The following RBFOX1 variants were observed in gnomAD, a reference collection of about 807,000 sequenced individuals.
RBFOX1 encodes RNA binding fox-1 homolog 1.
RBFOX1 carries 8 observed loss-of-function variants against 57.7 expected under a neutral mutation model. The observed-to-expected ratio is 0.14, with a 90% CI of 0.08 to 0.25. The LOEUF is 0.25. Ranked by LOEUF, RBFOX1 falls within the 10% of genes least tolerant of loss-of-function variation. The probability of loss-of-function intolerance (pLI) is 1.00; values close to 1 mark genes in which losing one functional copy is unlikely to be tolerated. For synonymous variants in RBFOX1, 326 were observed against 222.4 expected (o/e 1.47, Z -4.15); for missense variants, 611 against 548.5 (o/e 1.11, Z -1.14).
intron 2 of RBFOX1, among the ~76,000 whole-genome samples, chr16:6,403,102 G>A (rs2093141319): frequency 6.6e-6 from 1 of 151,684 alleles, no homozygotes; most frequent in Admixed American, 6.6e-5. Flanking sequence ...GTCATGAAGA[G>A]GACTGAGAAT....
At chr16:5,978,755 G>T (rs540820484) in intron 4 of RBFOX1, among the ~76,000 whole-genome samples, 45 of 151,544 alleles carry the variant, frequency 3.0e-4, no homozygotes, top group Non-Finnish European at 6.2e-4. Context: ...TGTACATCCA[G>T]TCTGGGTTTG....
intron 5 of RBFOX1, among the ~76,000 whole-genome samples, chr16:7,552,786 G>T (rs896842658): frequency 6.6e-6 from 1 of 152,140 alleles, no homozygotes; most frequent in African/African-American, 2.4e-5. Context: ...AGGCTCAAGA[G>T]ATTCTCCTGC....
At chr16:7,420,986 CT>C (rs548341919) in intron 4 of RBFOX1, among the ~76,000 whole-genome samples, 85 of 150,380 alleles carry the variant, frequency 5.7e-4, no homozygotes, top group Admixed American at 1.2e-3. Flanking sequence ...TAGTCCTGCG[CT>C]TTCCTGAGGC....
chr16:5,769,674 A>T (rs12597101), intron 3 of RBFOX1, among the ~76,000 whole-genome samples: 61,892 of 151,612 alleles, frequency 0.41, 12,942 homozygotes, highest in East Asian at 0.61. Context: ...AGAAATTTGG[A>T]CACAAACAAA....
At chr16:6,991,990 C>T (rs1367253327) in intron 3 of RBFOX1, among the ~76,000 whole-genome samples, 3 of 152,142 alleles carry the variant, frequency 2.0e-5, no homozygotes, top group Admixed American at 6.5e-5. Flanking sequence ...CCCTGTGTTT[C>T]AGAAGCTGGT....
At chr16:7,607,798 G>C (rs965453361) in intron 10 of RBFOX1, among the ~76,000 whole-genome samples, 2 of 152,158 alleles carry the variant, frequency 1.3e-5, no homozygotes, top group Non-Finnish European at 1.5e-5. Flanking sequence ...CCAAGGGAAG[G>C]CCTTTTTCGA....
chr16:7,003,577 C>G (rs972178987), intron 3 of RBFOX1, among the ~76,000 whole-genome samples: 7 of 151,904 alleles, frequency 4.6e-5, no homozygotes, highest in Non-Finnish European at 7.4e-5. Context: ...GAGGTTGAAA[C>G]AAGGTATTAA....
At chr16:7,094,769 T>TGTGTGTGTGTGTGTGG (rs989908595) in intron 4 of RBFOX1, among the ~76,000 whole-genome samples, 14 of 138,888 alleles carry the variant, frequency 1.0e-4, no homozygotes, top group African/African-American at 3.3e-4. Context: ...TGTGTGTGTG[T>TGTGTGTGTGTGTGTGG]GTGTGTGGGT....
intron 1 of RBFOX1, among the ~76,000 whole-genome samples, chr16:5,321,173 C>A (rs2064392621): frequency 6.6e-6 from 1 of 152,292 alleles, no homozygotes; most frequent in South Asian, 2.1e-4. Flanking sequence ...TGCTGAACAG[C>A]ATCTCTGGCC....
At chr16:7,479,161 T>C (rs1261753154) in intron 4 of RBFOX1, among the ~76,000 whole-genome samples, 2 of 151,620 alleles carry the variant, frequency 1.3e-5, no homozygotes, top group Admixed American at 6.6e-5. Context: ...TCTCGGTCTG[T>C]TGCCTAGGCT....
intron 7 of RBFOX1, among the ~76,000 whole-genome samples, chr16:7,589,386 C>A (rs1268149652): frequency 6.6e-6 from 1 of 152,158 alleles, no homozygotes; most frequent in Non-Finnish European, 1.5e-5. Context: ...AATGGTGATA[C>A]TGTTTTTAAG....
chr16:6,345,566 C>G (rs762174491), intron 2 of RBFOX1, among the ~76,000 whole-genome samples: 2 of 152,180 alleles, frequency 1.3e-5, no homozygotes, highest in African/African-American at 4.8e-5. Flanking sequence ...TCAGTTGCCA[C>G]CTCCTACCTC....
intron 4 of RBFOX1, among the ~76,000 whole-genome samples, chr16:5,935,375 G>A (rs978281792): frequency 6.6e-5 from 10 of 152,190 alleles, no homozygotes; most frequent in Admixed American, 6.5e-4. Context: ...GAGGACCATG[G>A]CCAGGAGCCT....
intron 4 of RBFOX1, among the ~76,000 whole-genome samples, chr16:7,357,754 G>A (rs73549007): frequency 0.033 from 5,028 of 152,258 alleles, 179 homozygotes; most frequent in African/African-American, 0.089. Flanking sequence ...CTGTGACCAA[G>A]TGGTGCTTTA....
At chr16:5,758,393 G>A (rs144693783) in intron 3 of RBFOX1, among the ~76,000 whole-genome samples, 1 of 152,288 alleles carries the variant, frequency 6.6e-6, no homozygotes, top group African/African-American at 2.4e-5. Context: ...TTGGTCCCTA[G>A]GTTGGGCATG....
At chr16:6,779,751 A>T (rs1209684516) in intron 3 of RBFOX1, among the ~76,000 whole-genome samples, 1 of 24,684 alleles carries the variant, frequency 4.1e-5, no homozygotes, top group Admixed American at 6.6e-4. Flanking sequence ...TTTTATATAT[A>T]CTTTTATATA....
intron 3 of RBFOX1, among the ~76,000 whole-genome samples, chr16:6,871,589 C>G (rs1304634613): frequency 6.6e-6 from 1 of 152,034 alleles, no homozygotes; most frequent in African/African-American, 2.4e-5. Flanking sequence ...TTTTGCTTCT[C>G]TCCATTCTCC....
rs540244782 is a variant in RBFOX1, at chr16:7,019,790, C to A, written c.-15-32267C>A. 3.2e-3 allele frequency among the ~76,000 whole-genome samples: 490 copies of A among 152,180 alleles called. 1 individual carries two copies. Among genetic ancestry groups the A allele is most frequent in the Non-Finnish European group, 5.9e-3 (403 of 67,990 alleles). On this transcript the variant is annotated intron_variant, in intron 3 of 15. Coordinates refer to ENST00000550418, the MANE Select transcript of RBFOX1 (RefSeq NM_018723.4). ...AGGTTTAGCTTGTACAAGGAAATAC[C>A]CACGCCCCAATTCCCATTAATCCTG...
At chr16:7,378,366 G>T (rs932373387) in intron 4 of RBFOX1, among the ~76,000 whole-genome samples, 3 of 152,110 alleles carry the variant, frequency 2.0e-5, no homozygotes, top group African/African-American at 7.2e-5. Context: ...GTTTGCTAGC[G>T]AGACCTCACG....
Sources: allele counts gnomAD v4.1 joint callset (sites outside exome capture counted in the v4.1 genomes callset), GRCh38; gene constraint gnomAD v4.1.1; transcripts MANE v1.5; gene names NCBI Gene and HGNC (gene_info 2026-07-23, HGNC 2026-07-21).